Variants in SS18L1 observed in about 807,000 individuals in gnomAD.
SS18L1 encodes calcium-responsive transactivator.
A neutral mutation model predicts 70.3 loss-of-function variants in SS18L1; 32 were observed. The observed-to-expected ratio is 0.46, with a 90% CI of 0.34 to 0.61. SS18L1 has a LOEUF of 0.61. Ranked by LOEUF, SS18L1 falls within the 20% of genes least tolerant of loss-of-function variation. The pLI is 0.01. For synonymous variants in SS18L1, 237 were observed against 229.7 expected (o/e 1.03, Z -0.29); for missense variants, 430 against 542.1 (o/e 0.79, Z 2.05).
intron 1 of SS18L1, among the ~76,000 whole-genome samples, chr20:62,148,838 G>A (rs932621413): frequency 1.1e-4 from 16 of 152,342 alleles, no homozygotes; most frequent in African/African-American, 2.9e-4. Flanking sequence ...GGGTGAGGAC[G>A]CATTTGGATA....
chr20:62,171,860 G>T (rs1669279640), intron 8 of SS18L1, among the ~76,000 whole-genome samples: 1 of 151,792 alleles, frequency 6.6e-6, no homozygotes, highest in African/African-American at 2.4e-5. Flanking sequence ...CTCTACAAAA[G>T]ATTTAAAATT....
chr20:62,146,943 A>G (rs1054899199), intron 1 of SS18L1, among the ~76,000 whole-genome samples: 1 of 151,890 alleles, frequency 6.6e-6, no homozygotes, highest in African/African-American at 2.4e-5. Context: ...CCCACTTTTT[A>G]TAAGGACTCT....
chr20:62,146,846 C>T (rs749402494), intron 1 of SS18L1, among the ~76,000 whole-genome samples: 65 of 151,884 alleles, frequency 4.3e-4, no homozygotes, highest in Non-Finnish European at 7.4e-4. Context: ...CTTGAACTCC[C>T]GACCCCAAGT....
intron 1 of SS18L1, among the ~76,000 whole-genome samples, chr20:62,149,734 G>A (rs2057093978): frequency 6.6e-6 from 1 of 152,236 alleles, no homozygotes; most frequent in Non-Finnish European, 1.5e-5. Context: ...CCTTTGATCA[G>A]GCACTCAACG....
intron 5 of SS18L1, 26 bp downstream of exon 5, chr20:62,162,957 G>A (rs572533094): frequency 1.3e-5 from 21 of 1,606,116 alleles, no homozygotes; most frequent in African/African-American, 4.0e-5. Context: ...CTGCAACCCC[G>A]GGGGGCCTGG....
In SS18L1 at chr20:62,161,489, C is replaced by T. The variant is rs199909407; in HGVS notation, c.285C>T (p.Ser95=). The change falls in exon 4 of 11, where the codon TCC becomes TCT. Residue 95 remains serine (S), a synonymous_variant. Transcript: ENST00000331758. The surrounding 1 kb of genome is among the most constrained non-coding windows in gnomAD (Gnocchi z 4.4). ...LGPGALTQSG[S]SQGLHSQGSL... Reference sequence around the variant, plus strand: ...CTGGAGCCCTGACTCAGAGCGGCTCCAGCCAGGGCCTGCACTCTCAGGGCA... The same window carrying T: ...CTGGAGCCCTGACTCAGAGCGGCTCTAGCCAGGGCCTGCACTCTCAGGGCA... The T allele has an allele frequency of 6.2e-7, 1 of 1,612,924 alleles. No homozygotes were observed. Among genetic ancestry groups the T allele is most frequent in the Admixed American group, 1.7e-5 (1 of 60,026 alleles).
chr20:62,156,388 C>T (rs931837944), intron 1 of SS18L1, among the ~76,000 whole-genome samples: 6 of 152,202 alleles, frequency 3.9e-5, no homozygotes, highest in African/African-American at 1.4e-4. Context: ...AAGCCTGGCC[C>T]ACAGTGTCCC....
intron 1 of SS18L1, among the ~76,000 whole-genome samples, chr20:62,157,859 T>G (rs1157137640): frequency 6.6e-6 from 1 of 151,648 alleles, no homozygotes; most frequent in Non-Finnish European, 1.5e-5. Context: ...ACGCATCTTT[T>G]CTGCCCCCAC....
intron 1 of SS18L1, chr20:62,154,334 C>A: frequency 1.9e-6 from 2 of 1,047,524 alleles, no homozygotes; most frequent in Non-Finnish European, 2.3e-6. Flanking sequence ...GTACAAGGTG[C>A]GTTTTCCTAA....
chr20:62,163,571 A>G lies in SS18L1; in HGVS notation c.670A>G (p.Ser224Gly). Residue 224 changes from serine (S) to glycine (G), a missense_variant, in exon 6 of 11, where the codon AGC (serine) becomes GGC (glycine). Physicochemically the swap from Ser to Gly is moderately conservative, Grantham distance 56. Coordinates refer to ENST00000331758, the MANE Select transcript of SS18L1 (RefSeq NM_198935.3). ...CATGATGGGGCAGGGCAGCCAGGGG[A>G]GCAGCATGATGGGGCAGCGGCCCAT... ...IAMMGQGSQG[S>G]SMMGQRPMAP... 1.2e-6 allele frequency: 2 copies of G among 1,609,738 alleles called. No homozygotes were observed. The highest frequency in any genetic ancestry group is 1.7e-6 in the Non-Finnish European group (2 of 1,179,458).
At chr20:62,178,874 G>T (rs2057665986) in intron 10 of SS18L1, among the ~76,000 whole-genome samples, 1 of 152,208 alleles carries the variant, frequency 6.6e-6, no homozygotes, top group African/African-American at 2.4e-5. Flanking sequence ...CTCCCAGTGG[G>T]GCCAGCTTGG....
At chr20:62,146,462 A>T (rs933690654) in intron 1 of SS18L1, among the ~76,000 whole-genome samples, 2 of 152,064 alleles carry the variant, frequency 1.3e-5, no homozygotes, top group Non-Finnish European at 2.9e-5. Context: ...AAACAACAGA[A>T]ATCTATTCCC....
At position 62,162,941 on chromosome 20, in the gene SS18L1, C is replaced by CCTG. The variant is rs1356988821; in HGVS notation, c.556+10_556+11insCTG. The CCTG allele has an allele frequency of 8.7e-6, 14 of 1,611,268 alleles. No individual in the cohort carries two copies. Among genetic ancestry groups the CCTG allele is most frequent in the African/African-American group, 1.3e-5 (1 of 74,686 alleles). On this transcript the variant is annotated intron_variant, in intron 5 of 10. Coordinates refer to ENST00000331758, the MANE Select transcript of SS18L1 (RefSeq NM_198935.3). ...ATGCAGTCCAACCCAGGTACCTACT[C>CCTG]TGCCTCTGCAACCCCGGGGGGCCTG... is the stretch of plus-strand genomic sequence containing the variant.
At chr20:62,144,926 C>G (rs1215443657) in intron 1 of SS18L1, among the ~76,000 whole-genome samples, 1 of 152,330 alleles carries the variant, frequency 6.6e-6, no homozygotes, top group East Asian at 1.9e-4. Flanking sequence ...GCTTGTCTCC[C>G]TAAGGGGGTT....
intron 1 of SS18L1, among the ~76,000 whole-genome samples, chr20:62,156,948 C>T (rs892145039): frequency 1.3e-5 from 2 of 152,254 alleles, no homozygotes; most frequent in Non-Finnish European, 2.9e-5. Context: ...TTATGAAAAG[C>T]AGCAGGCGTG....
At chr20:62,150,987 A>G (rs1219421879) in intron 1 of SS18L1, among the ~76,000 whole-genome samples, 1 of 152,184 alleles carries the variant, frequency 6.6e-6, no homozygotes, top group Non-Finnish European at 1.5e-5. Flanking sequence ...CTTTGTAATT[A>G]GAAAGGACAA....
At chr20:62,151,860 GCTCCCCA>G (rs2057137179) in intron 1 of SS18L1, among the ~76,000 whole-genome samples, 1 of 105,284 alleles carries the variant, frequency 9.5e-6, no homozygotes, top group African/African-American at 3.8e-5. Flanking sequence ...CTCTTTTCCC[GCTCCCCA>G]GAGCTGGCCT....
chr20:62,167,949 G>T (rs1175179297), intron 8 of SS18L1, among the ~76,000 whole-genome samples: 13 of 149,498 alleles, frequency 8.7e-5, no homozygotes, highest in Non-Finnish European at 1.8e-4. Context: ...TCGAATTGCT[G>T]GGACTAAAGG....
rs759996954 is a variant in SS18L1, at chr20:62,181,452, A to G, written c.*2244A>G. The G allele has an allele frequency of 1.9e-5, 4 of 209,932 alleles. No homozygotes were observed. The highest frequency in any genetic ancestry group is 4.6e-5 in the African/African-American group (2 of 43,940). 13.0% of individuals were successfully genotyped at this position (209,932 alleles called of 1,614,324 possible). On this transcript the variant is annotated 3_prime_UTR_variant, in exon 11 of 11. Coordinates refer to ENST00000331758, the MANE Select transcript of SS18L1 (RefSeq NM_198935.3). ...GATAGTTTATTTTTATTCCTTGCCA[A>G]TCTGGGAATATGCCTTTTTTGTGTG... is the stretch of plus-strand genomic sequence containing the variant.
Sources: allele counts gnomAD v4.1 joint callset (sites outside exome capture counted in the v4.1 genomes callset), GRCh38; gene constraint gnomAD v4.1.1; non-coding constraint Gnocchi (gnomAD v3.1); transcripts MANE v1.5; gene names NCBI Gene and HGNC (gene_info 2026-07-23, HGNC 2026-07-21).